CNTNAP2: variants seen among roughly 807,000 people sequenced by gnomAD.
The protein encoded by CNTNAP2 is contactin-associated protein-like 2.
In CNTNAP2, 98 loss-of-function variants were observed where a neutral mutation model predicts 155.2. That is an observed-to-expected ratio of 0.63 (90% CI 0.54 to 0.75). The LOEUF (loss-of-function observed/expected upper bound fraction) is 0.75. Among genes scored for constraint, CNTNAP2 ranks in the 30% least tolerant of loss-of-function variants. The pLI, the probability that CNTNAP2 is intolerant of heterozygous loss-of-function variation, is 0.00. For synonymous variants in CNTNAP2, 651 were observed against 631.2 expected, an observed-to-expected ratio of 1.03 and a Z score of -0.47; for missense variants, 1,727 against 1,688.1, an observed-to-expected ratio of 1.02 and a Z score of -0.40.
In CNTNAP2 at chr7:148,096,433, A is replaced by G. The variant is rs113654225; in HGVS notation, c.2384-21685A>G. 9.1e-3 allele frequency among the ~76,000 whole-genome samples: 1,390 copies of G among 152,270 alleles called. 25 individuals carry two copies. Among genetic ancestry groups the G allele is most frequent in the African/African-American group, 0.032 (1,335 of 41,550 alleles). ...TTTGTGTTGATACATGAAATCATAG[A>G]AATTTCATGTATCATAGAGATTAAT... On this transcript the variant is annotated intron_variant, in intron 15 of 23. Transcript: ENST00000361727.
At chr7:148,244,461 A>G (rs1796218107) in intron 20 of CNTNAP2, among the ~76,000 whole-genome samples, 1 of 151,884 alleles carries the variant, frequency 6.6e-6, no homozygotes, top group South Asian at 2.1e-4. Context: ...ATATTTATTT[A>G]TTCATTGGAA....
At chr7:146,906,369 A>G (rs1213114817) in intron 3 of CNTNAP2, among the ~76,000 whole-genome samples, 3 of 152,124 alleles carry the variant, frequency 2.0e-5, no homozygotes, top group Non-Finnish European at 1.5e-5. Flanking sequence ...AAACAAAAAG[A>G]CAGCAGTAAC....
chr7:146,676,949 A>T (rs968457924), intron 1 of CNTNAP2, among the ~76,000 whole-genome samples: 2 of 152,164 alleles, frequency 1.3e-5, no homozygotes, highest in Admixed American at 1.3e-4. Context: ...GCACTTCTAC[A>T]CTAAAAAGTA....
At chr7:146,623,747 G>C (rs532412418) in intron 1 of CNTNAP2, among the ~76,000 whole-genome samples, 2 of 152,202 alleles carry the variant, frequency 1.3e-5, no homozygotes, top group African/African-American at 4.8e-5. Flanking sequence ...TTTCAATTCA[G>C]TTGAGTAAAT....
intron 9 of CNTNAP2, among the ~76,000 whole-genome samples, chr7:147,328,905 C>G (rs1468230628): frequency 6.6e-6 from 1 of 152,092 alleles, no homozygotes; most frequent in Admixed American, 6.6e-5. Context: ...GTAGTTGAAC[C>G]TTAAAACTCT....
At chr7:146,694,712 GTCTT>G (rs565928138) in intron 1 of CNTNAP2, among the ~76,000 whole-genome samples, 7 of 152,042 alleles carry the variant, frequency 4.6e-5, no homozygotes, top group African/African-American at 1.2e-4. Flanking sequence ...ACAATATTGA[GTCTT>G]TCTATTCATG....
chr7:148,390,723 A>C (rs751468921), intron 22 of CNTNAP2, among the ~76,000 whole-genome samples: 6 of 152,210 alleles, frequency 3.9e-5, no homozygotes, highest in Non-Finnish European at 8.8e-5. Flanking sequence ...AAAACAGAAA[A>C]TAGGTTCTAA....
At chr7:147,744,461 A>G (rs1426868777) in intron 13 of CNTNAP2, among the ~76,000 whole-genome samples, 1 of 152,204 alleles carries the variant, frequency 6.6e-6, no homozygotes, top group Non-Finnish European at 1.5e-5. Context: ...TCTTTAACAA[A>G]TATGTAGCGC....
intron 14 of CNTNAP2, among the ~76,000 whole-genome samples, chr7:147,911,990 T>C (rs2116765072): frequency 6.6e-6 from 1 of 152,336 alleles, no homozygotes; most frequent in Non-Finnish European, 1.5e-5. Context: ...AAATCTCTTA[T>C]TTTAATTTTA....
intron 18 of CNTNAP2, among the ~76,000 whole-genome samples, chr7:148,192,248 C>T (rs138779952): frequency 1.1e-4 from 16 of 152,224 alleles, no homozygotes; most frequent in African/African-American, 3.4e-4. Flanking sequence ...AATAAACTCT[C>T]GTCATCCACC....
intron 10 of CNTNAP2, among the ~76,000 whole-genome samples, chr7:147,417,783 G>T (rs1185504682): frequency 6.6e-6 from 1 of 152,032 alleles, no homozygotes; most frequent in Non-Finnish European, 1.5e-5. Flanking sequence ...AAAGCTCAAG[G>T]AGCCCCAGGC....
intron 1 of CNTNAP2, among the ~76,000 whole-genome samples, chr7:146,474,086 T>C (rs1453032461): frequency 6.6e-6 from 1 of 152,108 alleles, no homozygotes; most frequent in Admixed American, 6.6e-5. Flanking sequence ...CTCTCCATGA[T>C]TGGGATAAAG....
chr7:147,922,758 T>G (rs951811316), intron 14 of CNTNAP2, among the ~76,000 whole-genome samples: 3 of 152,262 alleles, frequency 2.0e-5, no homozygotes, highest in Middle Eastern at 3.4e-3. Context: ...TCTCAAGTCT[T>G]TATGCAGAAA....
At chr7:147,363,726 T>C (rs1312610348) in intron 9 of CNTNAP2, among the ~76,000 whole-genome samples, 1 of 152,126 alleles carries the variant, frequency 6.6e-6, no homozygotes, top group Non-Finnish European at 1.5e-5. Context: ...TTTTATTGTA[T>C]GGCATTTATA....
rs546726909 is a variant in CNTNAP2, at chr7:146,226,163, C to T, written c.97+109190C>T. On this transcript the variant is annotated intron_variant, in intron 1 of 23. Transcript: ENST00000361727. ...ACCTCTTAGCACTCAGATTCTGCCTCGGCCCTACTGAGATTACTAGTCTTA... is the reference window on the plus strand; with the variant it reads ...ACCTCTTAGCACTCAGATTCTGCCTTGGCCCTACTGAGATTACTAGTCTTA... Among the ~76,000 whole-genome samples, 9 of 152,278 alleles carry T rather than the reference C, an allele frequency of 5.9e-5. No individual in the cohort carries two copies. The South Asian group carries it at 1.5e-3, about 25-fold the overall frequency.
At chr7:147,974,329 G>T (rs1284274809) in intron 14 of CNTNAP2, among the ~76,000 whole-genome samples, 2 of 152,132 alleles carry the variant, frequency 1.3e-5, no homozygotes, top group African/African-American at 2.4e-5. Context: ...AACATTACTG[G>T]CTGGGTGTAG....
intron 1 of CNTNAP2, among the ~76,000 whole-genome samples, chr7:146,287,430 G>A (rs950150804): frequency 2.5e-4 from 38 of 152,186 alleles, no homozygotes; most frequent in African/African-American, 8.4e-4. Context: ...CAGGTTGCCT[G>A]TAGGGGCAAC....
At chr7:147,005,924 A>G (rs1286607356) in intron 3 of CNTNAP2, among the ~76,000 whole-genome samples, 1 of 151,950 alleles carries the variant, frequency 6.6e-6, no homozygotes, top group African/African-American at 2.4e-5. Context: ...CTACAGTATC[A>G]TGTATCTTAT....
chr7:146,644,762 C>T (rs1396830942), intron 1 of CNTNAP2, among the ~76,000 whole-genome samples: 1 of 152,084 alleles, frequency 6.6e-6, no homozygotes, highest in Non-Finnish European at 1.5e-5. Context: ...ACACATACAC[C>T]CTCCCAAGAC....
Sources: gnomAD v4.1 joint callset for allele counts (sites outside exome capture counted in the v4.1 genomes callset) on GRCh38, gnomAD v4.1.1 for gene constraint, MANE v1.5 for transcripts, NCBI Gene and HGNC (gene_info 2026-07-23, HGNC 2026-07-21) for gene names.